Variants in IKZF2 observed in about 807,000 individuals in gnomAD.
The protein encoded by IKZF2 is zinc finger protein Helios.
A neutral mutation model predicts 49.2 loss-of-function variants in IKZF2; 15 were observed. The ratio of observed to expected loss-of-function variants is 0.30; its 90% CI spans 0.20 to 0.47. IKZF2 has a LOEUF of 0.47. Ranked by LOEUF, IKZF2 falls within the 20% of genes least tolerant of loss-of-function variation. IKZF2 has a pLI of 1.00. For synonymous variants in IKZF2, 227 were observed against 221.4 expected (o/e 1.03, Z -0.23); for missense variants, 567 against 664.6 (o/e 0.85, Z 1.61).
chr2:213,090,664 G>A (rs1705205365), intron 4 of IKZF2, among the ~76,000 whole-genome samples: 1 of 152,146 alleles, frequency 6.6e-6, no homozygotes, highest in African/African-American at 2.4e-5. Context: ...TTAATCTATT[G>A]TGACTGGTGT....
intron 4 of IKZF2, among the ~76,000 whole-genome samples, chr2:213,117,760 T>A (rs1214426305): frequency 6.6e-6 from 1 of 152,226 alleles, no homozygotes; most frequent in Non-Finnish European, 1.5e-5. Flanking sequence ...ATTTGTGATT[T>A]AAAATGTATT....
intron 4 of IKZF2, among the ~76,000 whole-genome samples, chr2:213,079,905 C>T (rs769096697): frequency 2.6e-5 from 4 of 152,114 alleles, no homozygotes; most frequent in Non-Finnish European, 5.9e-5. Context: ...CTATCACCTG[C>T]CCCCAATCAA....
intron 2 of IKZF2, among the ~76,000 whole-genome samples, chr2:213,148,933 A>C (rs372604639): frequency 1.3e-5 from 2 of 152,196 alleles, no homozygotes; most frequent in African/African-American, 4.8e-5. Flanking sequence ...TTAAGAAAAA[A>C]TAGGGGGTAT....
intron 4 of IKZF2, among the ~76,000 whole-genome samples, chr2:213,079,540 G>C (rs1314718149): frequency 2.8e-5 from 4 of 141,904 alleles, no homozygotes; most frequent in African/African-American, 1.1e-4. Flanking sequence ...GGGAGGGAGG[G>C]AAGGAAGGAG....
chr2:213,043,356 A>C (rs1335667091), intron 6 of IKZF2, among the ~76,000 whole-genome samples: 1 of 152,202 alleles, frequency 6.6e-6, no homozygotes. Flanking sequence ...AATCAAGATG[A>C]GAAATTTTTA....
chr2:213,054,543 A>T (rs1700967584), intron 5 of IKZF2, among the ~76,000 whole-genome samples: 1 of 152,168 alleles, frequency 6.6e-6, no homozygotes, highest in Non-Finnish European at 1.5e-5. Context: ...AGATGTATAA[A>T]CTGGATCATC....
At chr2:213,082,272 C>G (rs558436291) in intron 4 of IKZF2, among the ~76,000 whole-genome samples, 1 of 152,050 alleles carries the variant, frequency 6.6e-6, no homozygotes, top group Admixed American at 6.5e-5. Flanking sequence ...ATAAATACAA[C>G]GATAAAGAAT....
chr2:213,130,778 A>C (rs890512548), intron 4 of IKZF2, among the ~76,000 whole-genome samples: 3 of 152,206 alleles, frequency 2.0e-5, no homozygotes, highest in Non-Finnish European at 2.9e-5. Flanking sequence ...TTATGGGCTT[A>C]ATTCACAGAA....
chr2:213,047,901 G>A (rs980193807), intron 6 of IKZF2, among the ~76,000 whole-genome samples: 15 of 151,802 alleles, frequency 9.9e-5, no homozygotes, highest in Admixed American at 6.6e-5. Flanking sequence ...ACCTTATTTA[G>A]CCGATGTGCT....
chr2:213,148,309 G>C (rs2061151115), intron 3 of IKZF2, among the ~76,000 whole-genome samples: 1 of 152,130 alleles, frequency 6.6e-6, no homozygotes, highest in Non-Finnish European at 1.5e-5. Flanking sequence ...TATGAAACCT[G>C]GCCTATTCTC....
At chr2:213,118,419 A>G (rs1352980555) in intron 4 of IKZF2, among the ~76,000 whole-genome samples, 1 of 152,216 alleles carries the variant, frequency 6.6e-6, no homozygotes, top group Admixed American at 6.5e-5. Context: ...AAGACTATCG[A>G]GTATATGTTA....
intron 2 of IKZF2, among the ~76,000 whole-genome samples, chr2:213,149,195 T>C (rs2061186135): frequency 6.6e-6 from 1 of 152,200 alleles, no homozygotes; most frequent in African/African-American, 2.4e-5. Flanking sequence ...CTGACTTGTA[T>C]TGACATTTTA....
intron 4 of IKZF2, among the ~76,000 whole-genome samples, chr2:213,126,821 GTAC>G (rs1415396231): frequency 2.0e-5 from 3 of 152,014 alleles, no homozygotes; most frequent in Admixed American, 1.3e-4. Flanking sequence ...TCAGCTCACG[GTAC>G]ACATTTATAA....
chr2:213,013,957 G>A, intron 7 of IKZF2, 23 bp from the exon 8 acceptor site: 2 of 1,604,826 alleles, frequency 1.2e-6, no homozygotes, highest in Non-Finnish European at 1.7e-6. Flanking sequence ...ATAGAAAAAT[G>A]CAATCTGATA....
At chr2:213,115,930 T>C (rs879785755) in intron 4 of IKZF2, among the ~76,000 whole-genome samples, 2 of 149,554 alleles carry the variant, frequency 1.3e-5, no homozygotes, top group African/African-American at 4.9e-5. Flanking sequence ...AAAAAAGCTG[T>C]GTAACATCAG....
chr2:213,135,342 A>G (rs2060618427), intron 4 of IKZF2, among the ~76,000 whole-genome samples: 1 of 152,222 alleles, frequency 6.6e-6, no homozygotes, highest in Non-Finnish European at 1.5e-5. Flanking sequence ...CTATGAATGA[A>G]TATTACTCAT....
chr2:213,123,106 G>C (rs4672675), intron 4 of IKZF2, among the ~76,000 whole-genome samples: 144,529 of 152,270 alleles, frequency 0.95, 68,616 homozygotes, highest in East Asian at 0.99. Context: ...CTCAGAGGAA[G>C]AAATGTGGAT....
At chr2:213,030,916 C>T (rs533833541) in intron 6 of IKZF2, among the ~76,000 whole-genome samples, 2 of 151,702 alleles carry the variant, frequency 1.3e-5, no homozygotes, top group African/African-American at 4.8e-5. Context: ...ACCTCCACCT[C>T]CTGGGTTCAA....
intron 7 of IKZF2, among the ~76,000 whole-genome samples, chr2:213,021,038 C>A (rs370432984): frequency 1.5e-4 from 23 of 152,116 alleles, no homozygotes; most frequent in East Asian, 9.7e-4. Flanking sequence ...CATGGCGAAA[C>A]CCCGTCTCTA....
Sources: gnomAD v4.1 joint callset for allele counts (sites outside exome capture counted in the v4.1 genomes callset) on GRCh38, gnomAD v4.1.1 for gene constraint, MANE v1.5 for transcripts, NCBI Gene and HGNC (gene_info 2026-07-23, HGNC 2026-07-21) for gene names.